LRP1B: variants seen among roughly 807,000 people sequenced by gnomAD.
LRP1B encodes the protein LDL receptor related protein 1B.
In LRP1B, 217 loss-of-function variants were observed where a neutral mutation model predicts 556.6. The ratio of observed to expected loss-of-function variants is 0.39; its 90% confidence interval spans 0.35 to 0.44. LRP1B has a LOEUF of 0.44. Ranked by LOEUF, LRP1B falls within the 20% of genes least tolerant of loss-of-function variation. The probability of loss-of-function intolerance (pLI) is 1.00; values close to 1 mark genes in which losing one functional copy is unlikely to be tolerated. For synonymous variants in LRP1B, 2,047 were observed against 1,865.8 expected, an observed-to-expected ratio of 1.10 and a Z score of -2.50; for missense variants, 5,053 against 5,620.8, an observed-to-expected ratio of 0.90 and a Z score of 3.23.
chr2:140,462,714 G>A (rs948284674), intron 60 of LRP1B, among the ~76,000 whole-genome samples: 1 of 152,160 alleles, frequency 6.6e-6, no homozygotes, highest in East Asian at 1.9e-4. Context: ...AAGAGGCAAA[G>A]CCAGGATAAC....
chr2:141,694,604 T>C (rs1175705906), intron 2 of LRP1B, among the ~76,000 whole-genome samples: 1 of 151,032 alleles, frequency 6.6e-6, no homozygotes, highest in Non-Finnish European at 1.5e-5. Flanking sequence ...ATCTCTAAAA[T>C]CACATTTGGA....
chr2:141,331,502 C>CTTT (rs1687645527), intron 3 of LRP1B, among the ~76,000 whole-genome samples: 3 of 82,814 alleles, frequency 3.6e-5, no homozygotes, highest in Admixed American at 1.1e-4. Flanking sequence ...TTCTTTCTTT[C>CTTT]CTTCTTTCTT....
At chr2:141,356,284 T>C (rs140636177) in intron 3 of LRP1B, among the ~76,000 whole-genome samples, 106 of 152,274 alleles carry the variant, frequency 7.0e-4, no homozygotes, top group African/African-American at 2.5e-3. Context: ...GTGGCAGCAA[T>C]GATAATGTCT....
At chr2:141,974,413 T>G (rs1000616379) in intron 1 of LRP1B, among the ~76,000 whole-genome samples, 1 of 151,908 alleles carries the variant, frequency 6.6e-6, no homozygotes, top group African/African-American at 2.4e-5. Flanking sequence ...AGATTTAAGG[T>G]TTTCTGCTGT....
chr2:142,093,289 C>T lies in LRP1B; in HGVS notation c.82+37359G>A, dbSNP rs890713163. Among the ~76,000 whole-genome samples, 4 of 152,122 alleles carry T rather than the reference C, an allele frequency of 2.6e-5. No homozygotes were observed. The East Asian group carries it at 5.8e-4, about 22-fold the overall frequency. ...TCTCGCCTTCCCCCAATTCCTAGTT[C>T]GCTGTTTTTTATGTTCCTTGAGGGC... On this transcript the variant is annotated intron_variant, in intron 1 of 90. Coordinates refer to ENST00000389484, the MANE Select transcript of LRP1B (RefSeq NM_018557.3).
chr2:141,106,298 G>A (rs78109719), intron 7 of LRP1B, among the ~76,000 whole-genome samples: 9,042 of 152,098 alleles, frequency 0.059, 352 homozygotes, highest in South Asian at 0.11. Context: ...TTTCACTTTC[G>A]TTTTTTGGCT....
rs186148289 is a variant in LRP1B, at chr2:140,321,290, T to G, written c.12640+673A>C. Among the ~76,000 whole-genome samples, 399 of 152,156 alleles carry G rather than the reference T, an allele frequency of 2.6e-3. 4 individuals are homozygous for G. Among genetic ancestry groups the G allele is most frequent in the Non-Finnish European group, 2.6e-3 (177 of 68,000 alleles). On this transcript the variant is annotated intron_variant, in intron 82 of 90. Transcript: ENST00000389484. ...TAGCATCTGAAGTAATGTTTCAATT[T>G]TTATTGATTATTCCAGCTTCTAGCT...
At chr2:140,718,706 G>A (rs764402508) in intron 35 of LRP1B, among the ~76,000 whole-genome samples, 2 of 151,976 alleles carry the variant, frequency 1.3e-5, no homozygotes, top group Admixed American at 6.6e-5. Context: ...TAAAATTAAA[G>A]TTCCTTCTCA....
intron 7 of LRP1B, among the ~76,000 whole-genome samples, chr2:141,088,868 T>C (rs1329607167): frequency 1.3e-5 from 2 of 152,158 alleles, no homozygotes; most frequent in Non-Finnish European, 2.9e-5. Context: ...TGCTAGAAGA[T>C]AACACCCAAG....
At chr2:140,486,431 G>T (rs1688475884) in intron 58 of LRP1B, among the ~76,000 whole-genome samples, 1 of 151,772 alleles carries the variant, frequency 6.6e-6, no homozygotes, top group African/African-American at 2.4e-5. Context: ...TGGAAAATTG[G>T]CATGGCTATT....
chr2:141,762,244 T>G (rs1294579700), intron 2 of LRP1B, among the ~76,000 whole-genome samples: 2 of 151,962 alleles, frequency 1.3e-5, no homozygotes, highest in African/African-American at 4.8e-5. Flanking sequence ...GTTGAGTATT[T>G]CAATAAGCAA....
At chr2:141,277,099 T>C (rs917738128) in intron 3 of LRP1B, among the ~76,000 whole-genome samples, 1 of 152,248 alleles carries the variant, frequency 6.6e-6, no homozygotes, top group Non-Finnish European at 1.5e-5. Context: ...GTAATAAACA[T>C]GCAAGTGCAT....
chr2:141,651,248 A>G (rs1689778111), intron 2 of LRP1B, among the ~76,000 whole-genome samples: 1 of 152,196 alleles, frequency 6.6e-6, no homozygotes, highest in African/African-American at 2.4e-5. Context: ...GTTTATATAT[A>G]TCTATAAAAG....
intron 2 of LRP1B, among the ~76,000 whole-genome samples, chr2:141,666,271 C>T (rs1690429667): frequency 6.6e-6 from 1 of 152,096 alleles, no homozygotes; most frequent in African/African-American, 2.4e-5. Flanking sequence ...TCTTGTATCA[C>T]CTGAAGAAAA....
intron 14 of LRP1B, among the ~76,000 whole-genome samples, chr2:141,006,189 A>T (rs930696246): frequency 6.6e-6 from 1 of 152,086 alleles, no homozygotes; most frequent in African/African-American, 2.4e-5. Context: ...ACAATTGTTC[A>T]TAGTCATAGT....
At chr2:141,469,571 G>T (rs1573982300) in intron 3 of LRP1B, among the ~76,000 whole-genome samples, 1 of 152,062 alleles carries the variant, frequency 6.6e-6, no homozygotes, top group Admixed American at 6.6e-5. Flanking sequence ...ATGGAATAGG[G>T]TTTACTGTAT....
chr2:140,320,029 C>T (rs1055489420), intron 82 of LRP1B, among the ~76,000 whole-genome samples: 1 of 152,172 alleles, frequency 6.6e-6, no homozygotes, highest in Admixed American at 6.5e-5. Flanking sequence ...CTTTACCCAC[C>T]ATATTTCCAT....
intron 2 of LRP1B, among the ~76,000 whole-genome samples, chr2:141,733,229 A>C (rs1198669946): frequency 6.6e-6 from 1 of 152,250 alleles, no homozygotes; most frequent in South Asian, 2.1e-4. Context: ...TGGCAAGAGA[A>C]TGATTTGGTC....
At position 141,944,282 on chromosome 2, in the gene LRP1B, C is replaced by A. The variant is rs190262030; in HGVS notation, c.83-133881G>T. 1.2e-4 allele frequency among the ~76,000 whole-genome samples: 18 copies of A among 152,252 alleles called. No individual in the cohort carries two copies. The East Asian group carries it at 3.5e-3, about 29-fold the overall frequency. On this transcript the variant is annotated intron_variant, in intron 1 of 90. Coordinates refer to ENST00000389484, the MANE Select transcript of LRP1B (RefSeq NM_018557.3). The stretch of plus-strand genomic sequence containing the variant: ...GGGTTTTTATTATTGTTATTCAATA[C>A]TGGACAGGAAACGCTCCGTGTTGGA...
Sources: gnomAD v4.1 joint callset for allele counts (sites outside exome capture counted in the v4.1 genomes callset) on GRCh38, gnomAD v4.1.1 for gene constraint, MANE v1.5 for transcripts, NCBI Gene and HGNC (gene_info 2026-07-23, HGNC 2026-07-21) for gene names.